Variants in CLEC16A observed in about 807,000 individuals in gnomAD.
The protein encoded by CLEC16A is C-type lectin domain containing 16A, also known as protein CLEC16A.
In CLEC16A, 51 loss-of-function variants were observed where a neutral mutation model predicts 109.5. The observed-to-expected ratio is 0.47, with a 90% CI of 0.37 to 0.59. The LOEUF (loss-of-function observed/expected upper bound fraction) is 0.59. CLEC16A is among the 20% of genes least tolerant of loss of function. The pLI, the probability that CLEC16A is intolerant of heterozygous loss-of-function variation, is 0.00. For synonymous variants in CLEC16A, 673 were observed against 564.2 expected, an observed-to-expected ratio of 1.19 and a Z score of -2.73; for missense variants, 1,339 against 1,394.0, an observed-to-expected ratio of 0.96 and a Z score of 0.63.
chr16:11,039,736 C>G lies in CLEC16A; in HGVS notation c.1538-18C>G. On this transcript the variant is annotated intron_variant, in intron 13 of 23. Transcript: ENST00000409790. Reference sequence around the variant, plus strand: ...GTAGTCAGGAGGCCTCCACTTACATCCTTCTCCTCTGTTCCAGGCATGGAT... The same window carrying G: ...GTAGTCAGGAGGCCTCCACTTACATGCTTCTCCTCTGTTCCAGGCATGGAT... 2.5e-6 allele frequency: 4 copies of G among 1,587,444 alleles called. No homozygotes were observed. The highest frequency in any genetic ancestry group is 3.4e-6 in the Non-Finnish European group (4 of 1,166,728).
At chr16:11,109,767 G>A (rs556207038) in intron 19 of CLEC16A, among the ~76,000 whole-genome samples, 75 of 152,306 alleles carry the variant, frequency 4.9e-4, no homozygotes, top group African/African-American at 1.8e-3. Flanking sequence ...TTTCCCTCAA[G>A]GGATCAGTGT....
At chr16:11,123,666 C>G (rs561917180) in intron 20 of CLEC16A, 76 bp from the exon 21 acceptor site, 2 of 1,411,032 alleles carry the variant, frequency 1.4e-6, no homozygotes, top group Non-Finnish European at 2.0e-6. Context: ...TTCTAGATGC[C>G]TCATGATGCC....
intron 19 of CLEC16A, among the ~76,000 whole-genome samples, chr16:11,078,687 G>A (rs149258737): frequency 2.6e-4 from 40 of 152,302 alleles, no homozygotes. Flanking sequence ...AGGTTTTAGA[G>A]GAAGAGGTTG....
At chr16:10,991,559 A>G (rs2044014966) in intron 10 of CLEC16A, among the ~76,000 whole-genome samples, 1 of 152,184 alleles carries the variant, frequency 6.6e-6, no homozygotes, top group Non-Finnish European at 1.5e-5. Flanking sequence ...GGAGAGAACA[A>G]GTGTCCAAGG....
At position 11,003,160 on chromosome 16, in the gene CLEC16A, G is replaced by A. The variant is rs1206912495; in HGVS notation, c.1158G>A (p.Arg386=). Residue 386 remains arginine, a synonymous_variant, in exon 11 of 24, where the codon CGG becomes CGA. Coordinates refer to ENST00000409790, the MANE Select transcript of CLEC16A (RefSeq NM_015226.3). ...LEMNKHKGKR[R]VQKRPNYKNV... ...TGAACAAGCACAAGGGCAAGAGGCG[G>A]GTGCAAAAGAGACCCAACTACAAAA... The A allele has an allele frequency of 1.2e-6, 2 of 1,613,538 alleles. No homozygotes were observed. Among genetic ancestry groups the A allele is most frequent in the South Asian group, 1.1e-5 (1 of 91,048 alleles).
chr16:11,058,755 G>C (rs563138416), intron 18 of CLEC16A, among the ~76,000 whole-genome samples: 1 of 152,160 alleles, frequency 6.6e-6, no homozygotes, highest in Admixed American at 6.5e-5. Flanking sequence ...AGAGTGGTGG[G>C]CTGCAGAAAG....
chr16:10,970,778 G>A (rs1268971733), intron 4 of CLEC16A, among the ~76,000 whole-genome samples: 1 of 152,112 alleles, frequency 6.6e-6, no homozygotes, highest in Non-Finnish European at 1.5e-5. Context: ...ACAGGGTCTT[G>A]CTCTGTTGCC....
At chr16:11,170,335 A>G (rs1266080220) in intron 23 of CLEC16A, among the ~76,000 whole-genome samples, 1 of 152,222 alleles carries the variant, frequency 6.6e-6, no homozygotes, top group Admixed American at 6.5e-5. Flanking sequence ...TCCTAAAATC[A>G]GCAGCAAAGT....
intron 22 of CLEC16A, among the ~76,000 whole-genome samples, chr16:11,134,182 ATT>A (rs34036131): frequency 0.16 from 19,314 of 123,790 alleles, 1,106 homozygotes; most frequent in Middle Eastern, 0.2. Flanking sequence ...CCCTTTTCTG[ATT>A]TTTTTTTTTT....
intron 11 of CLEC16A, among the ~76,000 whole-genome samples, chr16:11,006,050 G>T (rs1169872014): frequency 6.6e-6 from 1 of 152,110 alleles, no homozygotes; most frequent in East Asian, 1.9e-4. Flanking sequence ...AGCAAAGAGG[G>T]TGTTTATTGT....
chr16:11,145,693 G>C (rs1440875521), intron 22 of CLEC16A, among the ~76,000 whole-genome samples: 1 of 152,258 alleles, frequency 6.6e-6, no homozygotes, highest in Non-Finnish European at 1.5e-5. Context: ...GCTGGATTTG[G>C]CCCGCAGGGC....
chr16:11,154,133 G>T (rs2054409119), intron 22 of CLEC16A, among the ~76,000 whole-genome samples: 1 of 152,332 alleles, frequency 6.6e-6, no homozygotes, highest in Admixed American at 6.5e-5. Flanking sequence ...ATGGAGAATT[G>T]GGGAAAGCCA....
intron 3 of CLEC16A, among the ~76,000 whole-genome samples, chr16:10,966,119 G>A (rs2042489539): frequency 6.6e-6 from 1 of 152,136 alleles, no homozygotes; most frequent in Admixed American, 6.5e-5. Context: ...GAATCACCTG[G>A]GTGACACGAT....
At chr16:10,983,101 G>A (rs2043420794) in intron 10 of CLEC16A, 110 bp downstream of exon 10, 1 of 646,996 alleles carries the variant, frequency 1.5e-6, no homozygotes, top group Non-Finnish European at 2.8e-6. Context: ...TAGCAGTGAT[G>A]ATGCATAAGC....
intron 1 of CLEC16A, among the ~76,000 whole-genome samples, chr16:10,951,589 A>C (rs2041736137): frequency 6.6e-6 from 1 of 152,202 alleles, no homozygotes. Context: ...CTCAGCTCCC[A>C]GAGCATCATC....
intron 19 of CLEC16A, among the ~76,000 whole-genome samples, chr16:11,107,817 T>G (rs2051314735): frequency 6.6e-6 from 1 of 152,228 alleles, no homozygotes; most frequent in Non-Finnish European, 1.5e-5. Context: ...GCTGCTGTTT[T>G]CAGTTTTCAG....
At chr16:11,089,272 T>G (rs1466400452) in intron 19 of CLEC16A, among the ~76,000 whole-genome samples, 1 of 152,146 alleles carries the variant, frequency 6.6e-6, no homozygotes, top group East Asian at 1.9e-4. Context: ...GTTTTGGCAC[T>G]TTAAAGTGGG....
intron 3 of CLEC16A, among the ~76,000 whole-genome samples, chr16:10,967,865 AC>A (rs2042586640): frequency 6.6e-6 from 1 of 152,206 alleles, no homozygotes; most frequent in Admixed American, 6.5e-5. Context: ...CTTCCCAAAC[AC>A]TAGCACGCAT....
chr16:11,102,513 A>G (rs2050978918), intron 19 of CLEC16A, among the ~76,000 whole-genome samples: 1 of 152,260 alleles, frequency 6.6e-6, no homozygotes, highest in African/African-American at 2.4e-5. Flanking sequence ...TCTGTGAACT[A>G]ATTTCTGCCA....
Sources: allele counts gnomAD v4.1 joint callset (sites outside exome capture counted in the v4.1 genomes callset), GRCh38; gene constraint gnomAD v4.1.1; transcripts MANE v1.5; gene names NCBI Gene and HGNC (gene_info 2026-07-23, HGNC 2026-07-21).